The following RBFOX1 variants were observed in gnomAD, a reference collection of about 807,000 sequenced individuals.
RBFOX1 encodes the protein RNA binding fox-1 homolog 1, also known as RNA binding protein fox-1 homolog 1.
RBFOX1 carries 8 observed loss-of-function variants against 57.7 expected under a neutral mutation model. The ratio of observed to expected loss-of-function variants is 0.14; its 90% CI spans 0.08 to 0.25. The LOEUF (loss-of-function observed/expected upper bound fraction) is 0.25. Among genes scored for constraint, RBFOX1 ranks in the 10% least tolerant of loss-of-function variants. RBFOX1 has a pLI of 1.00. For missense variants in RBFOX1, 611 were observed against 548.5 expected, an observed-to-expected ratio of 1.11 and a Z score of -1.14; for synonymous variants, 326 against 222.4, an observed-to-expected ratio of 1.47 and a Z score of -4.15.
rs146691608 is a variant in RBFOX1 at position 6,526,953 on chromosome 16, C to G, written c.-63-127650C>G. On this transcript the variant is annotated intron_variant, in intron 2 of 15. Coordinates refer to ENST00000550418, the MANE Select transcript of RBFOX1 (RefSeq NM_018723.4). ...AATCACAGAGAGATTAAATAAATCACCCAAGATCACATGCCTGTGCATTCA... is the reference window on the plus strand; with the variant it reads ...AATCACAGAGAGATTAAATAAATCAGCCAAGATCACATGCCTGTGCATTCA... Among the ~76,000 whole-genome samples the G allele has an allele frequency of 6.7e-4, 101 of 150,808 alleles. 4 individuals carry two copies. The East Asian group carries it at 0.019, about 29-fold the overall frequency.
intron 1 of RBFOX1, among the ~76,000 whole-genome samples, chr16:5,359,700 G>C (rs180830324): frequency 6.6e-6 from 1 of 152,228 alleles, no homozygotes; most frequent in Non-Finnish European, 1.5e-5. Flanking sequence ...CTTCTTTGCC[G>C]ATCATTTCCT....
chr16:5,973,748 A>G (rs1317293704), intron 4 of RBFOX1, among the ~76,000 whole-genome samples: 2 of 152,180 alleles, frequency 1.3e-5, no homozygotes, highest in African/African-American at 4.8e-5. Flanking sequence ...TTCTTTGTTC[A>G]TTCATTCAAT....
chr16:6,460,323 G>T (rs1237421081), intron 2 of RBFOX1, among the ~76,000 whole-genome samples: 1 of 151,828 alleles, frequency 6.6e-6, no homozygotes, highest in Admixed American at 6.6e-5. Context: ...CAACCTATAG[G>T]ATGAGAGAAA....
intron 1 of RBFOX1, among the ~76,000 whole-genome samples, chr16:5,342,056 T>C (rs2065044714): frequency 6.6e-6 from 1 of 152,238 alleles, no homozygotes; most frequent in East Asian, 1.9e-4. Context: ...GTAAATCCTT[T>C]AGTGTAGCTT....
intron 3 of RBFOX1, among the ~76,000 whole-genome samples, chr16:6,702,714 T>C (rs1375906909): frequency 6.6e-6 from 1 of 152,346 alleles, no homozygotes; most frequent in Middle Eastern, 3.4e-3. Context: ...GTTCTCTCTC[T>C]GGTTTTTGTT....
chr16:6,272,536 G>C (rs1299398675), intron 1 of RBFOX1, among the ~76,000 whole-genome samples: 1 of 152,108 alleles, frequency 6.6e-6, no homozygotes, highest in African/African-American at 2.4e-5. Flanking sequence ...AGATTTAATA[G>C]AATTTCTGTA....
intron 2 of RBFOX1, among the ~76,000 whole-genome samples, chr16:6,417,984 A>T (rs75762058): frequency 4.6e-5 from 7 of 151,178 alleles, no homozygotes; most frequent in South Asian, 4.2e-4. Context: ...ATTTTCTGAA[A>T]GAATGAATGA....
intron 2 of RBFOX1, among the ~76,000 whole-genome samples, chr16:6,474,464 T>C (rs1022630704): frequency 6.6e-5 from 10 of 152,220 alleles, no homozygotes; most frequent in African/African-American, 2.2e-4. Flanking sequence ...GTTCAGGTAA[T>C]TTAACATTGA....
rs188282547 is a variant in RBFOX1 at position 6,463,152 on chromosome 16, C to A, written c.-64+146095C>A. Reference sequence around the variant, plus strand: ...AATACTTTATAGTTTTTTGCTTTATCTTTAGGTGTTTAAATTTACCTGGAA... The same window carrying A: ...AATACTTTATAGTTTTTTGCTTTATATTTAGGTGTTTAAATTTACCTGGAA... On this transcript the variant is annotated intron_variant, in intron 2 of 15. Coordinates refer to ENST00000550418, the MANE Select transcript of RBFOX1 (RefSeq NM_018723.4). Among the ~76,000 whole-genome samples, 149 of 152,148 alleles carry A rather than the reference C, an allele frequency of 9.8e-4. 1 individual carries two copies. The highest frequency in any genetic ancestry group is 3.3e-3 in the African/African-American group (137 of 41,546).
rs569334246 is a variant in RBFOX1, at chr16:7,061,527, T to G, written c.27+9429T>G. ...AATTCACATATATGTTAATTAATTCTTTGAGTCTCCCCAGGCATTTGAACA... is the reference window on the plus strand; with the variant it reads ...AATTCACATATATGTTAATTAATTCGTTGAGTCTCCCCAGGCATTTGAACA... On this transcript the variant is annotated intron_variant, in intron 4 of 15. Transcript: ENST00000550418. 4.3e-4 allele frequency among the ~76,000 whole-genome samples: 66 copies of G among 152,296 alleles called. 1 individual carries two copies. Among genetic ancestry groups the G allele is most frequent in the African/African-American group, 1.2e-3 (51 of 41,578 alleles).
At chr16:6,107,720 T>G (rs1597375814) in intron 1 of RBFOX1, among the ~76,000 whole-genome samples, 1 of 79,374 alleles carries the variant, frequency 1.3e-5, no homozygotes, top group South Asian at 5.7e-4. Flanking sequence ...TGGATGGATT[T>G]GTGGGTGGGT....
At chr16:5,524,534 G>C (rs944395658) in intron 2 of RBFOX1, among the ~76,000 whole-genome samples, 3 of 137,128 alleles carry the variant, frequency 2.2e-5, no homozygotes, top group African/African-American at 8.9e-5. Context: ...GCTGGGTTGA[G>C]TAGTAGTTGC....
intron 5 of RBFOX1, among the ~76,000 whole-genome samples, chr16:7,559,049 A>G (rs1000796663): frequency 6.6e-6 from 1 of 152,208 alleles, no homozygotes; most frequent in Non-Finnish European, 1.5e-5. Flanking sequence ...TTAAAGGAGA[A>G]GGTAGTAATC....
chr16:7,162,917 T>C (rs2078670826), intron 4 of RBFOX1, among the ~76,000 whole-genome samples: 1 of 152,168 alleles, frequency 6.6e-6, no homozygotes, highest in Non-Finnish European at 1.5e-5. Flanking sequence ...AATGAAGACA[T>C]GTGGGTTTTC....
rs1183963003 is a variant in RBFOX1, at chr16:7,153,736, A to AAG, written c.27+101639_27+101640insGA. 1.2e-4 allele frequency among the ~76,000 whole-genome samples: 18 copies of AAG among 151,498 alleles called. No homozygotes were observed. In the East Asian group the frequency reaches 3.1e-3, roughly 26 times the overall value. ...CAGTGAGACAGTGTCTCAAAAAAAAAAAAAATAAGGAAAGAAAGAAAGGAA... is the reference window on the plus strand; with the variant it reads ...CAGTGAGACAGTGTCTCAAAAAAAAAAGAAAAATAAGGAAAGAAAGAAAGGAA... On this transcript the variant is annotated intron_variant, in intron 4 of 15. Coordinates refer to ENST00000550418, the MANE Select transcript of RBFOX1 (RefSeq NM_018723.4).
At chr16:6,438,916 T>G (rs1158597583) in intron 2 of RBFOX1, among the ~76,000 whole-genome samples, 1 of 152,210 alleles carries the variant, frequency 6.6e-6, no homozygotes, top group Non-Finnish European at 1.5e-5. Context: ...ATTTTGCAAC[T>G]CATAATATGG....
intron 4 of RBFOX1, among the ~76,000 whole-genome samples, chr16:7,419,006 G>A (rs1033824237): frequency 2.0e-5 from 3 of 152,132 alleles, no homozygotes; most frequent in African/African-American, 7.2e-5. Context: ...CCGGGCTCAT[G>A]CTTTCCTCAC....
intron 3 of RBFOX1, among the ~76,000 whole-genome samples, chr16:6,838,008 C>CT (rs58455545): frequency 1.5e-3 from 222 of 148,488 alleles, no homozygotes; most frequent in Middle Eastern, 7.1e-3. Flanking sequence ...GTTACCACCC[C>CT]TTTTTTTTTT....
chr16:6,875,090 G>T (rs1319556397), intron 3 of RBFOX1, among the ~76,000 whole-genome samples: 1 of 152,062 alleles, frequency 6.6e-6, no homozygotes, highest in Non-Finnish European at 1.5e-5. Context: ...TCAAAATGTA[G>T]GTTGTAATCT....
Sources: allele counts gnomAD v4.1 joint callset (sites outside exome capture counted in the v4.1 genomes callset), GRCh38; gene constraint gnomAD v4.1.1; transcripts MANE v1.5; gene names NCBI Gene and HGNC (gene_info 2026-07-23, HGNC 2026-07-21).